Variants in DLG4 observed in about 807,000 individuals in gnomAD.
DLG4 encodes the protein disks large homolog 4.
A neutral mutation model predicts 93.8 loss-of-function variants in DLG4; 7 were observed. The observed-to-expected ratio is 0.07, with a 90% CI of 0.04 to 0.14. The LOEUF is 0.14. DLG4 is among the 10% of genes least tolerant of loss of function. The pLI is 1.00. For synonymous variants in DLG4, 341 were observed against 387.6 expected (o/e 0.88, Z 1.41); for missense variants, 545 against 992.9 (o/e 0.55, Z 6.06).
intron 8 of DLG4, among the ~76,000 whole-genome samples, chr17:7,197,545 C>T (rs976787412): frequency 6.6e-6 from 1 of 151,942 alleles, no homozygotes; most frequent in Admixed American, 6.6e-5. Context: ...AGTGCAGTGC[C>T]GTGATCTTGG....
chr17:7,216,086 G>A (rs1024690763), intron 1 of DLG4, among the ~76,000 whole-genome samples: 2 of 150,022 alleles, frequency 1.3e-5, no homozygotes, highest in Non-Finnish European at 3.0e-5. Flanking sequence ...GATCCCCATC[G>A]CTGCCAGCCC....
chr17:7,202,921 G>C lies in DLG4; in HGVS notation c.769C>G (p.Pro257Ala), dbSNP rs1176658993. 6.2e-7 allele frequency: 1 copy of C among 1,613,928 alleles called. No individual in the cohort carries two copies. The highest frequency in any genetic ancestry group is 1.1e-5 in the South Asian group (1 of 91,096). The change falls in exon 8 of 20, where the codon CCC becomes GCC. Residue 257 changes from proline (P) to alanine (A), a missense_variant. Physicochemically the swap from Pro to Ala is conservative, Grantham distance 27 (BLOSUM62 -1). Coordinates refer to ENST00000399506, the MANE Select transcript of DLG4 (RefSeq NM_001321075.3). ...SNAYLSDSYA[P>A]PDITTSYSQH... ...CTCTCACAGGTTGTGATGTCTGGGG[G>C]AGCATAGCTGTCACTCAGGTAGGCA...
rs1466699442 is a variant in DLG4 at position 7,191,730 on chromosome 17, AGACCC to A, written c.1976+158_1976+162del. The A allele has an allele frequency of 3.5e-6, 2 of 571,454 alleles. No homozygotes were observed. 35.4% of individuals were successfully genotyped at this position (571,454 alleles called of 1,614,324 possible). A position where few individuals can be genotyped will look rare whatever the true frequency, so the allele number is the denominator to read the frequency against. Reference sequence around the variant, plus strand: ...TAGCCAAGGCAGGAGAGGAGGGGAAAGACCCGATTCCCCCACATCCTCTGGGTTCC... The same window carrying A: ...TAGCCAAGGCAGGAGAGGAGGGGAAAGATTCCCCCACATCCTCTGGGTTCC... On this transcript the variant is annotated intron_variant, in intron 18 of 19. Transcript: ENST00000399506. The surrounding 1 kb of genome is among the most constrained non-coding windows in gnomAD (Gnocchi z 6.6).
intron 8 of DLG4, among the ~76,000 whole-genome samples, chr17:7,199,080 T>A (rs979900233): frequency 6.6e-6 from 1 of 152,196 alleles, no homozygotes; most frequent in African/African-American, 2.4e-5. Flanking sequence ...TTGGTTACTC[T>A]CTGAGGTAGC....
upstream of DLG4, chr17:7,219,832 A>C: frequency 2.0e-6 from 3 of 1,534,578 alleles, no homozygotes; most frequent in Non-Finnish European, 2.6e-6. Context: ...GCTCCAGGGA[A>C]CTACAGCTCC....
At chr17:7,204,147 A>AC (rs773606726) in intron 3 of DLG4, 52 bp downstream of exon 3, 2 of 1,599,860 alleles carry the variant, frequency 1.3e-6, no homozygotes, top group Non-Finnish European at 1.7e-6. Context: ...GCCCTCCCTT[A>AC]CTCCCTCCTT....
Position 7,191,736 on chromosome 17 carries a change from G to C in DLG4, c.1976+157C>G. Reference sequence around the variant, plus strand: ...AGGCAGGAGAGGAGGGGAAAGACCCGATTCCCCCACATCCTCTGGGTTCCA... The same window carrying C: ...AGGCAGGAGAGGAGGGGAAAGACCCCATTCCCCCACATCCTCTGGGTTCCA... On this transcript the variant is annotated intron_variant, in intron 18 of 19. Transcript: ENST00000399506. This position sits in a 1 kb window ranked among gnomAD's most constrained non-coding sequence, Gnocchi z 6.6. The C allele has an allele frequency of 1.7e-6, 1 of 582,982 alleles. No individual in the cohort carries two copies. Among genetic ancestry groups the C allele is most frequent in the East Asian group, 2.8e-5 (1 of 35,398 alleles). 36.1% of individuals were successfully genotyped at this position (582,982 alleles called of 1,614,324 possible).
chr17:7,190,711 G>C lies in DLG4; in HGVS notation c.2172C>G (p.Leu724=), dbSNP rs767011766. ...PYIWVPARER[L] The stretch of plus-strand genomic sequence containing the variant: ...CCAGGCCAAGCCAGGGCAGGAATCA[G>C]AGTCTCTCTCGGGCTGGAACCCAGA... The change falls in exon 20 of 20, where the codon CTC becomes CTG. Residue 724 remains leucine, a synonymous_variant. Transcript: ENST00000399506. 1.2e-6 allele frequency: 2 copies of C among 1,613,422 alleles called. No individual in the cohort carries two copies. The highest frequency in any genetic ancestry group is 1.7e-6 in the Non-Finnish European group (2 of 1,179,376).
chr17:7,198,806 C>G (rs1189864590), intron 8 of DLG4, among the ~76,000 whole-genome samples: 1 of 150,330 alleles, frequency 6.7e-6, no homozygotes, highest in Non-Finnish European at 1.5e-5. Flanking sequence ...CAAGATCGTG[C>G]CACTGCACTC....
At chr17:7,192,211 G>A in intron 17 of DLG4, 2 of 433,512 alleles carry the variant, frequency 4.6e-6, no homozygotes, top group Non-Finnish European at 8.1e-6. Flanking sequence ...AAGGGAAGAT[G>A]GAGAGCACGG....
intron 1 of DLG4, among the ~76,000 whole-genome samples, chr17:7,210,618 C>A (rs1326107048): frequency 6.6e-6 from 1 of 152,186 alleles, no homozygotes; most frequent in African/African-American, 2.4e-5. Flanking sequence ...GAGGGGCAAG[C>A]CCCAGAATTG....
chr17:7,196,944 T>C lies in DLG4; in HGVS notation c.896A>G (p.Lys299Arg). 6.2e-7 allele frequency: 1 copy of C among 1,613,828 alleles called. No individual in the cohort carries two copies. Among genetic ancestry groups the C allele is most frequent in the Non-Finnish European group, 8.5e-7 (1 of 1,179,840 alleles). The stretch of plus-strand genomic sequence containing the variant: ...AATGTCTTCCTCCCCGAGCAGGTCC[T>C]TGGCCACTGGAGAGTAGCGCCGAGG... Reference protein sequence around the residue: ...TSPRRYSPVAKDLLGEEDIPR... With the variant: ...TSPRRYSPVARDLLGEEDIPR... The change falls in exon 9 of 20, where the codon AAG becomes AGG. Residue 299 changes from lysine (K) to arginine (R), a missense_variant. Around this residue, in one of 5 missense-constraint regions of DLG4, gnomAD observed 428 missense variants for 741.4 expected, o/e 0.58. Transcript: ENST00000399506. The surrounding 1 kb of genome is among the most constrained non-coding windows in gnomAD (Gnocchi z 8.3).
At chr17:7,211,771 A>G (rs1022706320) in intron 1 of DLG4, 1 of 36,612 alleles carries the variant, frequency 2.7e-5, no homozygotes, top group East Asian at 1.1e-3. Context: ...GGGGAGGGGG[A>G]GGGGCAGAGG....
intron 2 of DLG4, chr17:7,205,318 G>C: frequency 9.1e-6 from 4 of 441,266 alleles, no homozygotes; most frequent in Non-Finnish European, 9.0e-6. Context: ...ACTCCCAGGC[G>C]GGGCCCGCTT....
intron 1 of DLG4, among the ~76,000 whole-genome samples, chr17:7,216,341 C>G (rs745792968): frequency 7.9e-5 from 12 of 152,128 alleles, no homozygotes; most frequent in Non-Finnish European, 1.8e-4. Flanking sequence ...CACCCGGTCC[C>G]CCTCCTCAAA....
chr17:7,191,805 G>A lies in DLG4; in HGVS notation c.1976+88C>T, dbSNP rs1380100237. 1.0e-6 allele frequency: 1 copy of A among 964,738 alleles called. No homozygotes were observed. The highest frequency in any genetic ancestry group is 2.6e-5 in the Admixed American group (1 of 37,894). 59.8% of individuals were successfully genotyped at this position (964,738 alleles called of 1,614,324 possible). On this transcript the variant is annotated intron_variant, in intron 18 of 19. Transcript: ENST00000399506. The surrounding 1 kb of genome is among the most constrained non-coding windows in gnomAD (Gnocchi z 6.6). The stretch of plus-strand genomic sequence containing the variant: ...TGCTGAAACCGCTGTCCAGGGTTCT[G>A]AAGGGAGAGTTGAACGCAGACGCCT...
intron 1 of DLG4, among the ~76,000 whole-genome samples, chr17:7,213,095 CTT>C (rs746009346): frequency 0.044 from 3,543 of 80,492 alleles, 88 homozygotes; most frequent in African/African-American, 0.11. Flanking sequence ...TTCTTTCTTT[CTT>C]TTTTTTTTTT....
At chr17:7,213,190 C>T (rs925731020) in intron 1 of DLG4, among the ~76,000 whole-genome samples, 3 of 146,010 alleles carry the variant, frequency 2.1e-5, no homozygotes, top group Non-Finnish European at 3.0e-5. Flanking sequence ...ATCCGGCTCC[C>T]GGGTTCGAGT....
rs1187050980 is a variant in DLG4, at chr17:7,208,312, C to T, written c.31-73G>A. The T allele has an allele frequency of 2.4e-6, 3 of 1,257,442 alleles. No individual in the cohort carries two copies. Among genetic ancestry groups the T allele is most frequent in the South Asian group, 3.3e-5 (1 of 30,600 alleles). The allele number at this position is 1,257,442 out of a possible 1,614,324, so 77.9% of individuals were successfully genotyped here. Reference sequence around the variant, plus strand: ...GCTCCAGGCTGGCCGCCCTGGCCGCCGCCTCTTCCCCCAGCCAGTGCAGTG... The same window carrying T: ...GCTCCAGGCTGGCCGCCCTGGCCGCTGCCTCTTCCCCCAGCCAGTGCAGTG... On this transcript the variant is annotated intron_variant, in intron 1 of 19. Transcript: ENST00000399506. This position sits in a 1 kb window ranked among gnomAD's most constrained non-coding sequence, Gnocchi z 5.4.
Sources: gnomAD v4.1 joint callset for allele counts (sites outside exome capture counted in the v4.1 genomes callset) on GRCh38, gnomAD v4.1.1 for gene constraint, gnomAD v4.1.1 regional missense constraint, Gnocchi (gnomAD v3.1) non-coding constraint, MANE v1.5 for transcripts, NCBI Gene and HGNC (gene_info 2026-07-23, HGNC 2026-07-21) for gene names.